FBXO4: variants seen among roughly 807,000 people sequenced by gnomAD.
FBXO4 encodes F-box protein 4.
FBXO4 carries 36 observed loss-of-function variants against 43.7 expected under a neutral mutation model. The observed-to-expected ratio is 0.82, with a 90% confidence interval of 0.63 to 1.09. The LOEUF (loss-of-function observed/expected upper bound fraction) is 1.09, where lower values mean the gene tolerates loss of function less well. FBXO4 is among the 50% of genes least tolerant of loss of function. The probability of loss-of-function intolerance (pLI) is 0.00; values close to 1 mark genes in which losing one functional copy is unlikely to be tolerated. For missense variants in FBXO4, 435 were observed against 474.1 expected (o/e 0.92, Z 0.77); for synonymous variants, 180 against 165.6 (o/e 1.09, Z -0.67).
the FBXO4 span, among the ~76,000 whole-genome samples, chr5:42,015,927 A>G: frequency 1.3e-5 from 2 of 152,150 alleles, no homozygotes; most frequent in Non-Finnish European, 2.9e-5. Context: ...GGCACAAAAT[A>G]AAGCCAAGCA....
chr5:41,944,999 A>G (rs1752056540), downstream of FBXO4, among the ~76,000 whole-genome samples: 1 of 152,232 alleles, frequency 6.6e-6, no homozygotes, highest in Admixed American at 6.5e-5. Context: ...GAAGGATTTG[A>G]CAAGTTGTGT....
At chr5:41,950,051 T>A in the FBXO4 span, among the ~76,000 whole-genome samples, 1 of 152,174 alleles carries the variant, frequency 6.6e-6, no homozygotes, top group African/African-American at 2.4e-5. Flanking sequence ...TTACACCTTA[T>A]ACAAAAATTA....
At chr5:41,952,866 CA>C in the FBXO4 span, among the ~76,000 whole-genome samples, 1 of 151,994 alleles carries the variant, frequency 6.6e-6, no homozygotes, top group Non-Finnish European at 1.5e-5. Context: ...CTAAAATTTT[CA>C]TTTTGTTATT....
the FBXO4 span, among the ~76,000 whole-genome samples, chr5:41,966,333 A>AT: frequency 6.6e-6 from 1 of 152,198 alleles, no homozygotes; most frequent in Non-Finnish European, 1.5e-5. Context: ...ATTAAAAAAA[A>AT]GATACACCAA....
At chr5:42,030,592 C>A in the FBXO4 span, among the ~76,000 whole-genome samples, 1 of 151,768 alleles carries the variant, frequency 6.6e-6, no homozygotes, top group African/African-American at 2.4e-5. Context: ...GCAACAAAAG[C>A]CAAAATTGAC....
At chr5:42,029,030 C>T in the FBXO4 span, among the ~76,000 whole-genome samples, 17 of 151,904 alleles carry the variant, frequency 1.1e-4, no homozygotes, top group Non-Finnish European at 1.8e-4. Context: ...CTTACTATTA[C>T]CAGTGGGTTT....
At chr5:41,956,479 G>T in the FBXO4 span, among the ~76,000 whole-genome samples, 243 of 152,244 alleles carry the variant, frequency 1.6e-3, 1 homozygote, top group African/African-American at 5.2e-3. Context: ...TTCTTATAAT[G>T]CAGGTCTGCT....
At chr5:41,962,466 A>C in the FBXO4 span, among the ~76,000 whole-genome samples, 3 of 152,098 alleles carry the variant, frequency 2.0e-5, no homozygotes, top group African/African-American at 7.2e-5. Flanking sequence ...ATCCCCCTAC[A>C]CTTGCATCTC....
At position 41,941,280 on chromosome 5, in the gene FBXO4, G is replaced by A; in HGVS notation, c.1163G>A (p.Ter388=). ...GAAGTGGAATCTAAGCGTGCAAGAT[G>A]ATTCTCTTTTCAGATCTTGGGAACT... ...LEEVESKRAR[*] Residue 388 remains the stop codon, a stop_retained_variant, in exon 7 of 7, where the codon TGA becomes TAA. Coordinates refer to ENST00000281623, the MANE Select transcript of FBXO4 (RefSeq NM_012176.3). 1.2e-6 allele frequency: 2 copies of A among 1,612,392 alleles called. No homozygotes were observed. Among genetic ancestry groups the A allele is most frequent in the Admixed American group, 3.3e-5 (2 of 59,992 alleles).
At chr5:41,925,731 T>TG (rs1272242856) in intron 1 of FBXO4, among the ~76,000 whole-genome samples, 1 of 151,770 alleles carries the variant, frequency 6.6e-6, no homozygotes, top group Non-Finnish European at 1.5e-5. Context: ...AGCACCTTCA[T>TG]GGGGCCCCTG....
the FBXO4 span, among the ~76,000 whole-genome samples, chr5:42,000,182 A>G: frequency 6.6e-6 from 1 of 152,172 alleles, no homozygotes; most frequent in African/African-American, 2.4e-5. Context: ...ATAACATTTC[A>G]TTAAATAATA....
chr5:42,030,036 G>C, the FBXO4 span, among the ~76,000 whole-genome samples: 1 of 151,992 alleles, frequency 6.6e-6, no homozygotes, highest in Non-Finnish European at 1.5e-5. Context: ...ATTGCCCAAG[G>C]TAATTTATAG....
the FBXO4 span, among the ~76,000 whole-genome samples, chr5:41,959,472 A>G: frequency 1.3e-5 from 2 of 152,092 alleles, no homozygotes; most frequent in African/African-American, 4.8e-5. Flanking sequence ...GATAAATGCC[A>G]TGGAGCTTTC....
the FBXO4 span, among the ~76,000 whole-genome samples, chr5:41,975,521 T>C: frequency 2.0e-5 from 3 of 152,218 alleles, no homozygotes; most frequent in African/African-American, 4.8e-5. Context: ...AGAGTATATA[T>C]GGTATATAGT....
chr5:41,931,948 T>TA (rs1397021158), intron 3 of FBXO4, among the ~76,000 whole-genome samples: 1 of 152,118 alleles, frequency 6.6e-6, no homozygotes, highest in East Asian at 1.9e-4. Flanking sequence ...CATTGGGAGT[T>TA]AAGAGAACAT....
At chr5:41,987,878 G>T in the FBXO4 span, among the ~76,000 whole-genome samples, 6 of 152,074 alleles carry the variant, frequency 3.9e-5, no homozygotes, top group African/African-American at 1.4e-4. Context: ...GTCTGTTCTT[G>T]TATGCTGTCC....
At position 41,934,146 on chromosome 5, in the gene FBXO4, A is replaced by G; in HGVS notation, c.736A>G (p.Arg246Gly). 1 of 1,614,046 alleles carries G rather than the reference A, an allele frequency of 6.2e-7. No homozygotes were observed. The highest frequency in any genetic ancestry group is 8.5e-7 in the Non-Finnish European group (1 of 1,179,968). ...LYSTTRKERD[R>G]AREEHTSAVN... ...TTTTTTTTCTAGAAAGGAAAGAGAT[A>G]GAGCAAGGGAAGAGCATACAAGTGC... The change falls in exon 5 of 7, where the codon AGA becomes GGA. Residue 246 changes from arginine (R) to glycine (G), a missense_variant. By Grantham distance (125) the Arg-to-Gly change is moderately radical. Transcript: ENST00000281623.
At chr5:42,000,508 G>C in the FBXO4 span, among the ~76,000 whole-genome samples, 1 of 152,068 alleles carries the variant, frequency 6.6e-6, no homozygotes, top group African/African-American at 2.4e-5. Context: ...TATATGGTTT[G>C]CAAATATTTT....
the FBXO4 span, among the ~76,000 whole-genome samples, chr5:41,982,091 A>G: frequency 6.6e-6 from 1 of 152,204 alleles, no homozygotes; most frequent in South Asian, 2.1e-4. Context: ...ATCATTTTTA[A>G]TGGCTGCATA....
Sources: allele counts gnomAD v4.1 joint callset (sites outside exome capture counted in the v4.1 genomes callset), GRCh38; gene constraint gnomAD v4.1.1; transcripts MANE v1.5; gene names NCBI Gene and HGNC (gene_info 2026-07-23, HGNC 2026-07-21).